SYT16: variants seen among roughly 807,000 people sequenced by gnomAD.
SYT16 encodes synaptotagmin-16.
A neutral mutation model predicts 61.4 loss-of-function variants in SYT16; 42 were observed. That is an observed-to-expected ratio of 0.68 (90% confidence interval 0.53 to 0.89). The LOEUF is 0.89. Ranked by LOEUF, SYT16 falls within the 40% of genes least tolerant of loss-of-function variation. SYT16 has a pLI of 0.00. For missense variants in SYT16, 804 were observed against 807.3 expected, an observed-to-expected ratio of 1.00 and a Z score of 0.05; for synonymous variants, 314 against 302.3, an observed-to-expected ratio of 1.04 and a Z score of -0.40.
chr14:62,059,592 G>A (rs2140913480), intron 3 of SYT16, among the ~76,000 whole-genome samples: 1 of 151,096 alleles, frequency 6.6e-6, no homozygotes, highest in Non-Finnish European at 1.5e-5. Context: ...AGATTGCTCT[G>A]AAGTTTTTCC....
At chr14:62,059,670 C>T (rs374182147) in intron 3 of SYT16, among the ~76,000 whole-genome samples, 1 of 114,354 alleles carries the variant, frequency 8.7e-6, no homozygotes, top group African/African-American at 6.2e-5. Context: ...GTAATTGATA[C>T]ATATATATAA....
intron 1 of SYT16, among the ~76,000 whole-genome samples, chr14:61,892,081 C>A (rs1304523888): frequency 1.3e-5 from 2 of 151,986 alleles, no homozygotes; most frequent in South Asian, 4.2e-4. Context: ...TCCTTTTCTC[C>A]TTTTCTCTCC....
chr14:61,837,682 T>A (rs559108229), intron 1 of SYT16, among the ~76,000 whole-genome samples: 8 of 152,206 alleles, frequency 5.3e-5, no homozygotes, highest in Non-Finnish European at 7.3e-5. Flanking sequence ...ATACAGGCTT[T>A]CCAATTATTC....
rs1809701849 is a variant in SYT16 at position 62,055,264 on chromosome 14, C to A, written c.524-14339C>A. On this transcript the variant is annotated intron_variant, in intron 3 of 7. Transcript: ENST00000683842. The stretch of plus-strand genomic sequence containing the variant: ...AACACAACTCTTGGGTCCTATCAAG[C>A]AATTCCCTTATAGGAGGCATACAAA... 2.0e-5 allele frequency among the ~76,000 whole-genome samples: 3 copies of A among 152,206 alleles called. No individual in the cohort carries two copies. In the South Asian group the frequency reaches 6.2e-4, roughly 31 times the overall value.
rs150296300 is a variant in SYT16 at position 62,084,052 on chromosome 14, G to A, written c.1435-144G>A. On this transcript the variant is annotated intron_variant, in intron 6 of 7. Transcript: ENST00000683842. Reference sequence around the variant, plus strand: ...CGTGACTGTGCTCCCTGGGCCCATTGTAATTCACGCCGAGTGCGCCCTTAG... The same window carrying A: ...CGTGACTGTGCTCCCTGGGCCCATTATAATTCACGCCGAGTGCGCCCTTAG... The A allele has an allele frequency of 3.2e-4, 281 of 878,368 alleles. No homozygotes were observed. The African/African-American group carries it at 3.9e-3, about 12-fold the overall frequency. The allele number at this position is 878,368 out of a possible 1,614,324, so 54.4% of individuals were successfully genotyped here.
At position 62,084,997 on chromosome 14, in the gene SYT16, G is replaced by A. The variant is rs1367281712; in HGVS notation, c.1624+612G>A. 2.6e-5 allele frequency among the ~76,000 whole-genome samples: 4 copies of A among 152,232 alleles called. No homozygotes were observed. The South Asian group carries it at 6.2e-4, about 24-fold the overall frequency. On this transcript the variant is annotated intron_variant, in intron 7 of 7. Transcript: ENST00000683842. ...ACAGAGAAAGGAAGTAAAGGAGGCAGATCTGGGGCAATGCAGGACTGGCTT... is the reference window on the plus strand; with the variant it reads ...ACAGAGAAAGGAAGTAAAGGAGGCAAATCTGGGGCAATGCAGGACTGGCTT...
chr14:61,850,928 G>T (rs1158862902), intron 1 of SYT16, among the ~76,000 whole-genome samples: 1 of 151,976 alleles, frequency 6.6e-6, no homozygotes, highest in African/African-American at 2.4e-5. Context: ...AAATTCAGGG[G>T]TACATGTACA....
Position 62,100,750 on chromosome 14 carries a change from C to T in SYT16, c.*43C>T. The T allele has an allele frequency of 6.4e-7, 1 of 1,569,436 alleles. No homozygotes were observed. The highest frequency in any genetic ancestry group is 1.2e-5 in the South Asian group (1 of 82,766). On this transcript the variant is annotated 3_prime_UTR_variant, in exon 8 of 8. Coordinates refer to ENST00000683842, the MANE Select transcript of SYT16 (RefSeq NM_001367656.1). ...TGTGTGCTGTGTCCACCTTGGTTAC[C>T]TGTGTTGCTGTCTACTGACACTAAG...
chr14:62,075,604 T>TAAAAAAAAAAAAAAA (rs376818967), intron 5 of SYT16, among the ~76,000 whole-genome samples: 9 of 61,414 alleles, frequency 1.5e-4, no homozygotes, highest in African/African-American at 5.8e-4. Flanking sequence ...GGATGAACGG[T>TAAAAAAAAAAAAAAA]AAAAAAAAAA....
rs141718274 is a variant in SYT16, at chr14:62,031,746, G to A, written c.523+35204G>A. The stretch of plus-strand genomic sequence containing the variant: ...CTCCCTGGGTAAATTAAAACATCTA[G>A]GTAAGATGGTAACTTACAATTGATC... On this transcript the variant is annotated intron_variant, in intron 3 of 7. Coordinates refer to ENST00000683842, the MANE Select transcript of SYT16 (RefSeq NM_001367656.1). Among the ~76,000 whole-genome samples the A allele has an allele frequency of 1.5e-3, 229 of 152,166 alleles. 1 individual carries two copies. Among genetic ancestry groups the A allele is most frequent in the South Asian group, 6.9e-3 (33 of 4,816 alleles).
intron 1 of SYT16, among the ~76,000 whole-genome samples, chr14:61,935,989 A>G (rs2049966649): frequency 6.6e-6 from 1 of 152,210 alleles, no homozygotes; most frequent in Non-Finnish European, 1.5e-5. Flanking sequence ...GTGTCTAACT[A>G]TATTGCTTTA....
chr14:61,913,377 A>G (rs939095580), intron 1 of SYT16, among the ~76,000 whole-genome samples: 1 of 152,188 alleles, frequency 6.6e-6, no homozygotes, highest in Non-Finnish European at 1.5e-5. Flanking sequence ...TTTAAAGACT[A>G]TAGTCTATAG....
intron 1 of SYT16, among the ~76,000 whole-genome samples, chr14:61,891,137 A>T (rs1464266515): frequency 6.6e-6 from 1 of 151,990 alleles, no homozygotes; most frequent in Non-Finnish European, 1.5e-5. Flanking sequence ...GGCTCTAGAG[A>T]AAGCCAGAGT....
chr14:62,009,523 A>T (rs1273981445), intron 3 of SYT16, among the ~76,000 whole-genome samples: 1 of 152,214 alleles, frequency 6.6e-6, no homozygotes, highest in Non-Finnish European at 1.5e-5. Flanking sequence ...ACTATCTCTC[A>T]GCTCAAATCC....
At position 62,105,504 on chromosome 14, in the gene SYT16, G is replaced by A. The variant is rs2057497313; in HGVS notation, c.*4797G>A. 1 of 152,130 alleles carries A rather than the reference G, an allele frequency of 6.6e-6. No homozygotes were observed. The highest frequency in any genetic ancestry group is 2.4e-5 in the African/African-American group (1 of 41,412). 9.4% of individuals were successfully genotyped at this position (152,130 alleles called of 1,614,324 possible). On this transcript the variant is annotated 3_prime_UTR_variant, in exon 8 of 8. Transcript: ENST00000683842. ...CACAGCTCTCAAAACGTATCTGTTT[G>A]ACTGGAATGTCCTGCTCAGAACAAA...
intron 7 of SYT16, among the ~76,000 whole-genome samples, chr14:62,087,460 C>T (rs1346488489): frequency 1.3e-5 from 2 of 152,186 alleles, no homozygotes; most frequent in Admixed American, 6.5e-5. Flanking sequence ...TTACCTCTTC[C>T]GTGACCTCAA....
intron 1 of SYT16, among the ~76,000 whole-genome samples, chr14:61,935,393 A>G (rs1003504488): frequency 5.9e-5 from 9 of 151,970 alleles, no homozygotes; most frequent in African/African-American, 2.2e-4. Flanking sequence ...TTTTTTCATT[A>G]TAGTTTGGTT....
At chr14:61,877,411 C>G (rs952728805) in intron 1 of SYT16, among the ~76,000 whole-genome samples, 1 of 152,108 alleles carries the variant, frequency 6.6e-6, no homozygotes. Flanking sequence ...AAGGGAGGAC[C>G]ATGAATTGCA....
intron 1 of SYT16, among the ~76,000 whole-genome samples, chr14:61,951,402 G>A (rs373492709): frequency 8.5e-5 from 13 of 152,256 alleles, no homozygotes; most frequent in South Asian, 2.1e-4. Flanking sequence ...AAAATGGTTT[G>A]TCTTTTTAAG....
Sources: gnomAD v4.1 joint callset for allele counts (sites outside exome capture counted in the v4.1 genomes callset) on GRCh38, gnomAD v4.1.1 for gene constraint, MANE v1.5 for transcripts, NCBI Gene and HGNC (gene_info 2026-07-23, HGNC 2026-07-21) for gene names.